GNA12: variants seen among roughly 807,000 people sequenced by gnomAD.
The protein encoded by GNA12 is G protein subunit alpha 12.
In GNA12, 9 loss-of-function variants were observed where a neutral mutation model predicts 26.0. That is an observed-to-expected ratio of 0.35 (90% CI 0.21 to 0.60). GNA12 has a LOEUF of 0.60. GNA12 is among the 20% of genes least tolerant of loss of function. The pLI is 0.78. For synonymous variants in GNA12, 264 were observed against 219.6 expected (o/e 1.20, Z -1.79); for missense variants, 405 against 525.8 (o/e 0.77, Z 2.25).
intron 1 of GNA12, among the ~76,000 whole-genome samples, chr7:2,842,137 GAAAGA>G (rs1429129755): frequency 1.9e-4 from 27 of 142,918 alleles, no homozygotes; most frequent in African/African-American, 3.7e-4. Context: ...AGAAAGGAAG[GAAAGA>G]AAAGAAGGAA....
intron 1 of GNA12, among the ~76,000 whole-genome samples, chr7:2,795,547 G>A (rs1359492767): frequency 6.6e-6 from 1 of 151,194 alleles, no homozygotes; most frequent in Admixed American, 6.6e-5. Flanking sequence ...AGGATTGCTT[G>A]AGCCCAGGAG....
At chr7:2,836,294 C>A (rs1473705366) in intron 1 of GNA12, among the ~76,000 whole-genome samples, 1 of 152,182 alleles carries the variant, frequency 6.6e-6, no homozygotes, top group Non-Finnish European at 1.5e-5. Flanking sequence ...GAGACTTCCA[C>A]AAAGTAACAG....
chr7:2,816,136 G>C (rs762546147), intron 1 of GNA12, among the ~76,000 whole-genome samples: 6 of 152,198 alleles, frequency 3.9e-5, no homozygotes, highest in Admixed American at 6.5e-5. Context: ...GCATTCACAG[G>C]GAACGGATCA....
intron 1 of GNA12, among the ~76,000 whole-genome samples, chr7:2,837,395 G>T (rs932927966): frequency 6.6e-6 from 1 of 152,236 alleles, no homozygotes; most frequent in Non-Finnish European, 1.5e-5. Context: ...CCCAGAAGGA[G>T]ATGAGAGAGA....
intron 1 of GNA12, among the ~76,000 whole-genome samples, chr7:2,829,540 T>C (rs2114971492): frequency 6.6e-6 from 1 of 152,344 alleles, no homozygotes; most frequent in Non-Finnish European, 1.5e-5. Flanking sequence ...ACTTCTGCCA[T>C]TTCCCTGTGC....
chr7:2,768,726 C>A lies in GNA12; in HGVS notation c.525+26202G>T, dbSNP rs1372260117. 2.7e-5 allele frequency among the ~76,000 whole-genome samples: 4 copies of A among 150,330 alleles called. 1 individual carries two copies. The South Asian group carries it at 8.4e-4, about 31-fold the overall frequency. On this transcript the variant is annotated intron_variant, in intron 2 of 3. Coordinates refer to ENST00000275364, the MANE Select transcript of GNA12 (RefSeq NM_007353.3). ...GTAAACCTATGGATAAAGGAGAGTT[C>A]ATTCCCACTCATTCCCACAACTATT...
chr7:2,783,352 T>A (rs2260230), intron 2 of GNA12, among the ~76,000 whole-genome samples: 35,929 of 152,038 alleles, frequency 0.24, 4,933 homozygotes, highest in Non-Finnish European at 0.29. Context: ...GGGTGACAGG[T>A]CTCCCGGGGA....
intron 2 of GNA12, among the ~76,000 whole-genome samples, chr7:2,733,707 C>T (rs150699361): frequency 8.2e-4 from 125 of 152,338 alleles, no homozygotes; most frequent in African/African-American, 2.8e-3. Flanking sequence ...TCTTTAGCTC[C>T]AACCCCAAGG....
At chr7:2,835,743 AGT>A in intron 1 of GNA12, 1 of 858,636 alleles carries the variant, frequency 1.2e-6, no homozygotes, top group African/African-American at 1.7e-5. Context: ...AAGAAATAGA[AGT>A]AAAACAGAAA....
chr7:2,842,525 T>C (rs906037538), intron 1 of GNA12, among the ~76,000 whole-genome samples: 1 of 152,196 alleles, frequency 6.6e-6, no homozygotes, highest in African/African-American at 2.4e-5. Context: ...CTCAAACTTC[T>C]GGCCTCAAGT....
intron 2 of GNA12, among the ~76,000 whole-genome samples, chr7:2,778,534 T>C (rs1282583217): frequency 6.6e-6 from 1 of 152,206 alleles, no homozygotes; most frequent in African/African-American, 2.4e-5. Flanking sequence ...TCTCCACAAG[T>C]TGGGTAATAC....
rs1793512525 is a variant in GNA12 at position 2,827,535 on chromosome 7, C to T, written c.309+16318G>A. On this transcript the variant is annotated intron_variant, in intron 1 of 3. Transcript: ENST00000275364. ...GAAGGCACCTAAACTGAGGGAATAA[C>T]CACCAAACTGACTGGAAGGGAACCA... is the stretch of plus-strand genomic sequence containing the variant. 2.0e-5 allele frequency among the ~76,000 whole-genome samples: 3 copies of T among 152,144 alleles called. No homozygotes were observed. In the South Asian group the frequency reaches 6.2e-4, roughly 32 times the overall value.
At chr7:2,740,446 A>G (rs879853893) in intron 2 of GNA12, among the ~76,000 whole-genome samples, 1 of 152,162 alleles carries the variant, frequency 6.6e-6, no homozygotes, top group Non-Finnish European at 1.5e-5. Context: ...GCAAGCGAGG[A>G]AGACAGCCCT....
intron 2 of GNA12, among the ~76,000 whole-genome samples, chr7:2,753,937 C>T (rs1003445023): frequency 1.3e-5 from 2 of 152,132 alleles, no homozygotes; most frequent in East Asian, 1.9e-4. Context: ...AATCCGACCA[C>T]GAGCTCTGTA....
chr7:2,806,338 G>C lies in GNA12; in HGVS notation c.310-11195C>G, dbSNP rs183727839. Among the ~76,000 whole-genome samples, 643 of 151,808 alleles carry C rather than the reference G, an allele frequency of 4.2e-3. 6 individuals carry two copies. The highest frequency in any genetic ancestry group is 0.015 in the African/African-American group (610 of 41,410). On this transcript the variant is annotated intron_variant, in intron 1 of 3. Transcript: ENST00000275364. The stretch of plus-strand genomic sequence containing the variant: ...TACTAAAAACACAAAAATTAGTTGG[G>C]TGTGGGCACATGGTGGCAGGTGCCT...
At chr7:2,787,644 G>C (rs535344378) in intron 2 of GNA12, among the ~76,000 whole-genome samples, 1 of 152,226 alleles carries the variant, frequency 6.6e-6, no homozygotes, top group South Asian at 2.1e-4. Context: ...AAACAAGATA[G>C]GCTGAAGGCC....
At chr7:2,781,225 G>A (rs188002103) in intron 2 of GNA12, among the ~76,000 whole-genome samples, 2 of 152,290 alleles carry the variant, frequency 1.3e-5, no homozygotes, top group East Asian at 3.9e-4. Flanking sequence ...TTTTATGGGA[G>A]TCAAATTATT....
chr7:2,830,808 G>A (rs773608638), intron 1 of GNA12, among the ~76,000 whole-genome samples: 2 of 152,132 alleles, frequency 1.3e-5, no homozygotes, highest in Admixed American at 6.5e-5. Flanking sequence ...GGGCTATGGC[G>A]GTGTGCACCT....
At chr7:2,823,254 AC>A (rs1030916936) in intron 1 of GNA12, among the ~76,000 whole-genome samples, 68 of 152,038 alleles carry the variant, frequency 4.5e-4, no homozygotes, top group African/African-American at 1.6e-3. Context: ...AACCCAAGGG[AC>A]CCCGCCTTCC....
Sources: gnomAD v4.1 joint callset for allele counts (sites outside exome capture counted in the v4.1 genomes callset) on GRCh38, gnomAD v4.1.1 for gene constraint, MANE v1.5 for transcripts, NCBI Gene and HGNC (gene_info 2026-07-23, HGNC 2026-07-21) for gene names.